LRRC63: variants seen among roughly 807,000 people sequenced by gnomAD.
LRRC63 encodes leucine-rich repeat-containing protein 63.
Under a neutral mutation model 49.5 loss-of-function variants are expected in LRRC63, and 40 were observed. That is an observed-to-expected ratio of 0.81 (90% CI 0.63 to 1.05). The LOEUF (loss-of-function observed/expected upper bound fraction) is 1.05, where lower values mean the gene tolerates loss of function less well. Among genes scored for constraint, LRRC63 ranks in the 50% least tolerant of loss-of-function variants. The pLI is 0.00. For synonymous variants in LRRC63, 191 were observed against 221.1 expected (o/e 0.86, Z 1.21); for missense variants, 636 against 663.1 (o/e 0.96, Z 0.45).
At chr13:46,271,383 C>T (rs1239899870) in intron 9 of LRRC63, among the ~76,000 whole-genome samples, 1 of 152,190 alleles carries the variant, frequency 6.6e-6, no homozygotes, top group African/African-American at 2.4e-5. Context: ...GCCCATCTGC[C>T]TCAACTCCTC....
At chr13:46,232,080 G>A in intron 4 of LRRC63, among the ~76,000 whole-genome samples, 1 of 152,008 alleles carries the variant, frequency 6.6e-6, no homozygotes, top group East Asian at 1.9e-4. Flanking sequence ...CTCCCAAAGT[G>A]CTGGGATTAC....
At chr13:46,228,722 G>A in exon 4 of LRRC63, 1 of 1,538,574 alleles carries the variant, frequency 6.5e-7, no homozygotes, top group African/African-American at 1.4e-5. Flanking sequence ...ATCCCACCAA[G>A]ACCACCTGAA....
At chr13:46,227,649 C>A in exon 3 of LRRC63, 1 of 1,550,302 alleles carries the variant, frequency 6.5e-7, no homozygotes, top group South Asian at 1.2e-5. Context: ...AAATATCTTT[C>A]TTGATCACTG....
At chr13:46,253,190 G>A (rs1171654745) in intron 7 of LRRC63, among the ~76,000 whole-genome samples, 1 of 151,670 alleles carries the variant, frequency 6.6e-6, no homozygotes, top group East Asian at 1.9e-4. Flanking sequence ...AGACATAGAG[G>A]CTATAAGGAA....
chr13:46,235,771 G>C (rs2046886596), intron 5 of LRRC63, among the ~76,000 whole-genome samples: 1 of 152,096 alleles, frequency 6.6e-6, no homozygotes, highest in Admixed American at 6.6e-5. Context: ...ACTACTAAAG[G>C]ATTAGAAACT....
At chr13:46,270,769 C>G in intron 9 of LRRC63, 1 of 479,364 alleles carries the variant, frequency 2.1e-6, no homozygotes, top group South Asian at 2.0e-5. Flanking sequence ...CTTCGTTTCC[C>G]CTCTCTGGCT....
intron 9 of LRRC63, chr13:46,270,488 A>T: frequency 1.3e-6 from 1 of 783,972 alleles, no homozygotes; most frequent in Non-Finnish European, 2.3e-6. Context: ...AAGAAAAGCC[A>T]TCACTGAAGG....
chr13:46,258,084 C>G (rs2047544984), intron 7 of LRRC63, among the ~76,000 whole-genome samples: 1 of 151,216 alleles, frequency 6.6e-6, no homozygotes, highest in Non-Finnish European at 1.5e-5. Flanking sequence ...CAAGTTCTGT[C>G]CCATATATGC....
At chr13:46,235,179 C>T (rs116654749) in intron 5 of LRRC63, among the ~76,000 whole-genome samples, 1,862 of 152,170 alleles carry the variant, frequency 0.012, 40 homozygotes, top group African/African-American at 0.042. Context: ...CCTGGCTAAG[C>T]ATTGAAGGAG....
At chr13:46,250,949 T>A (rs182461879) in intron 7 of LRRC63, among the ~76,000 whole-genome samples, 1 of 151,918 alleles carries the variant, frequency 6.6e-6, no homozygotes, top group South Asian at 2.1e-4. Context: ...GCTTATATGA[T>A]ATCTAAGACC....
Position 46,243,209 on chromosome 13 carries a change from T to C in LRRC63, c.991-3318T>C, listed in dbSNP as rs551700254. ...ATTAAAGTGTGGAGTTTGTTTTTGA[T>C]GCTTTTCCTTGTGAGCAAAGTCAAG... On this transcript the variant is annotated intron_variant, in intron 5 of 9. Transcript: ENST00000595396. 3.9e-5 allele frequency among the ~76,000 whole-genome samples: 6 copies of C among 152,338 alleles called. No individual in the cohort carries two copies. The South Asian group carries it at 1.0e-3, about 26-fold the overall frequency.
chr13:46,227,751 T>A, exon 3 of LRRC63: 1 of 1,550,512 alleles, frequency 6.4e-7, no homozygotes, highest in Non-Finnish European at 8.7e-7. Context: ...TGGTTCCATA[T>A]TTTTTCCACA....
Position 46,266,859 on chromosome 13 carries a change from T to G in LRRC63, c.1437T>G (p.Asn479Lys), listed in dbSNP as rs200829911. The change falls in exon 9 of 10, where the codon AAT (asparagine) becomes AAG (lysine). Residue 479 changes from asparagine to lysine, a missense_variant. Asn to Lys is a moderately conservative substitution (Grantham distance 94). Coordinates refer to ENST00000595396, the Ensembl canonical transcript of LRRC63. ...CTCATCCTTGTTTTTGGAGAGATAA[T>G]TATTTGAATAATCCACAACAACTTA... is the stretch of plus-strand genomic sequence containing the variant. 235 of 1,549,918 alleles carry G rather than the reference T, an allele frequency of 1.5e-4. No individual in the cohort carries two copies. The South Asian group carries it at 2.6e-3, about 17-fold the overall frequency.
Position 46,258,940 on chromosome 13 carries a change from CAATT to C in LRRC63, c.1227-2968_1227-2965del, listed in dbSNP as rs368760459. Among the ~76,000 whole-genome samples the C allele has an allele frequency of 9.8e-4, 148 of 151,418 alleles. 1 individual carries two copies. The East Asian group carries it at 0.016, about 16-fold the overall frequency. ...ATGCAATATTTTTGAAATTATGTAA[CAATT>C]GATTGTTTCAATATAGGGCAAATTA... On this transcript the variant is annotated intron_variant, in intron 7 of 9. Coordinates refer to ENST00000595396, the Ensembl canonical transcript of LRRC63.
chr13:46,258,612 A>G (rs1440264130), intron 7 of LRRC63, among the ~76,000 whole-genome samples: 1 of 150,592 alleles, frequency 6.6e-6, no homozygotes, highest in Non-Finnish European at 1.5e-5. Flanking sequence ...GATCGAGACC[A>G]TCCTGGCCAA....
chr13:46,255,811 A>G (rs1423548868), intron 7 of LRRC63, among the ~76,000 whole-genome samples: 2 of 152,076 alleles, frequency 1.3e-5, no homozygotes, highest in East Asian at 3.9e-4. Flanking sequence ...CCATATAACT[A>G]CTATCCAAAA....
intron 7 of LRRC63, among the ~76,000 whole-genome samples, chr13:46,258,716 G>A (rs1283282545): frequency 6.7e-6 from 1 of 148,242 alleles, no homozygotes; most frequent in African/African-American, 2.5e-5. Flanking sequence ...GCTGAGGCAG[G>A]AGAATCGCTT....
chr13:46,232,402 G>A (rs931089386), intron 4 of LRRC63, among the ~76,000 whole-genome samples: 5 of 152,212 alleles, frequency 3.3e-5, no homozygotes, highest in Non-Finnish European at 5.9e-5. Context: ...GAGAAGACAA[G>A]AAATTTATCA....
intron 3 of LRRC63, 95 bp from the exon 4 acceptor site, chr13:46,228,570 C>A: frequency 1.4e-6 from 1 of 726,674 alleles, no homozygotes; most frequent in Non-Finnish European, 2.4e-6. Flanking sequence ...AATTGGAATC[C>A]ATTAAATGAT....
Sources: gnomAD v4.1 joint callset for allele counts (sites outside exome capture counted in the v4.1 genomes callset) on GRCh38, gnomAD v4.1.1 for gene constraint, MANE v1.5 for transcripts, NCBI Gene and HGNC (gene_info 2026-07-23, HGNC 2026-07-21) for gene names.